The following RSF1 variants were observed in gnomAD, a reference collection of about 807,000 sequenced individuals.
RSF1 encodes remodeling and spacing factor 1, also known as HBV pX-associated protein 8.
In RSF1, 13 loss-of-function variants were observed where a neutral mutation model predicts 145.2. That is an observed-to-expected ratio of 0.09 (90% CI 0.06 to 0.14). The LOEUF (loss-of-function observed/expected upper bound fraction) is 0.14. Ranked by LOEUF, RSF1 falls within the 10% of genes least tolerant of loss-of-function variation. The pLI is 1.00. For synonymous variants in RSF1, 577 were observed against 592.6 expected (o/e 0.97, Z 0.38); for missense variants, 1,517 against 1,718.2 (o/e 0.88, Z 2.07).
the RSF1 span, among the ~76,000 whole-genome samples, chr11:77,870,260 A>T: frequency 6.8e-6 from 1 of 146,958 alleles, no homozygotes; most frequent in East Asian, 2.0e-4. Context: ...AGCTCAAATG[A>T]TCTCCCGCCT....
chr11:77,705,431 A>C (rs909999431), intron 5 of RSF1, among the ~76,000 whole-genome samples: 1 of 152,238 alleles, frequency 6.6e-6, no homozygotes, highest in African/African-American at 2.4e-5. Flanking sequence ...ATCACTTATT[A>C]TGTGCTTTCT....
the RSF1 span, among the ~76,000 whole-genome samples, chr11:77,861,425 G>A: frequency 7.2e-5 from 11 of 151,924 alleles, no homozygotes; most frequent in South Asian, 2.1e-4. Flanking sequence ...AGAAGGCCGC[G>A]CCAGTGTCCA....
intron 1 of RSF1, among the ~76,000 whole-genome samples, chr11:77,793,927 A>G (rs1948547066): frequency 1.3e-5 from 2 of 152,204 alleles, no homozygotes; most frequent in South Asian, 4.1e-4. Context: ...AGGTAATAAA[A>G]AAAAAGATGA....
chr11:77,774,813 C>T (rs1193677973), intron 1 of RSF1, among the ~76,000 whole-genome samples: 7 of 150,058 alleles, frequency 4.7e-5, no homozygotes, highest in Non-Finnish European at 8.9e-5. Flanking sequence ...TCACCCCAGG[C>T]TGGTGTGCAA....
At chr11:77,852,694 G>A in the RSF1 span, among the ~76,000 whole-genome samples, 16 of 151,856 alleles carry the variant, frequency 1.1e-4, no homozygotes, top group African/African-American at 1.9e-4. Flanking sequence ...ATTAGTTTCC[G>A]GTTTATCCTT....
the RSF1 span, among the ~76,000 whole-genome samples, chr11:77,849,308 G>A: frequency 8.7e-3 from 1,322 of 152,128 alleles, 13 homozygotes; most frequent in African/African-American, 0.031. Context: ...TGCAACCTCT[G>A]ACTCCCGGGT....
At chr11:77,790,699 A>C (rs1360669390) in intron 1 of RSF1, among the ~76,000 whole-genome samples, 1 of 152,200 alleles carries the variant, frequency 6.6e-6, no homozygotes, top group Non-Finnish European at 1.5e-5. Context: ...GGAGACACTG[A>C]CCAAAACAAA....
At chr11:77,762,986 G>A (rs1948190606) in intron 2 of RSF1, 1 of 152,026 alleles carries the variant, frequency 6.6e-6, no homozygotes, top group Non-Finnish European at 1.5e-5. Context: ...GGCAGTCAAG[G>A]GAAAGAAAAC....
the RSF1 span, among the ~76,000 whole-genome samples, chr11:77,845,282 C>G: frequency 6.6e-6 from 1 of 151,960 alleles, no homozygotes; most frequent in African/African-American, 2.4e-5. Context: ...TATTCTTTGT[C>G]TTCATTTTTT....
chr11:77,729,657 TC>T (rs1321605005), intron 4 of RSF1, among the ~76,000 whole-genome samples: 3 of 151,872 alleles, frequency 2.0e-5, no homozygotes, highest in African/African-American at 7.3e-5. Context: ...ATCTGGTTCT[TC>T]CACAGCACCC....
At chr11:77,771,574 A>G (rs1948286206) in intron 1 of RSF1, among the ~76,000 whole-genome samples, 3 of 152,202 alleles carry the variant, frequency 2.0e-5, no homozygotes, top group Admixed American at 6.5e-5. Flanking sequence ...GGAATGCAGG[A>G]AAGTTTCAAG....
the RSF1 span, among the ~76,000 whole-genome samples, chr11:77,834,705 G>A: frequency 1.3e-5 from 2 of 152,242 alleles, no homozygotes; most frequent in Admixed American, 6.5e-5. Flanking sequence ...GTGAGCCACT[G>A]CGCCTGGCCA....
intron 1 of RSF1, among the ~76,000 whole-genome samples, chr11:77,791,458 T>A (rs1051059711): frequency 1.3e-5 from 2 of 152,186 alleles, no homozygotes; most frequent in Admixed American, 1.3e-4. Flanking sequence ...GGCCCCTCCT[T>A]ACTTGTGCAA....
At chr11:77,854,817 C>A in the RSF1 span, among the ~76,000 whole-genome samples, 2 of 152,190 alleles carry the variant, frequency 1.3e-5, no homozygotes, top group Admixed American at 1.3e-4. Context: ...GTAGGGGCTC[C>A]AACCCCACAT....
At chr11:77,819,146 T>C (rs1473783245) in intron 1 of RSF1, among the ~76,000 whole-genome samples, 1 of 152,206 alleles carries the variant, frequency 6.6e-6, no homozygotes, top group Non-Finnish European at 1.5e-5. Flanking sequence ...TTCATTTACA[T>C]AGAGAATAGA....
chr11:77,824,787 T>A (rs1233062322), upstream of RSF1, among the ~76,000 whole-genome samples: 1 of 152,244 alleles, frequency 6.6e-6, no homozygotes, highest in East Asian at 1.9e-4. Flanking sequence ...AGTTTATTTC[T>A]CAAAATTCAT....
At chr11:77,778,826 T>C (rs1948374721) in intron 1 of RSF1, among the ~76,000 whole-genome samples, 1 of 152,246 alleles carries the variant, frequency 6.6e-6, no homozygotes, top group Non-Finnish European at 1.5e-5. Context: ...CTTTTTTGGA[T>C]TCCTTTGCAA....
chr11:77,727,999 T>G (rs1230747328), intron 4 of RSF1, among the ~76,000 whole-genome samples: 3 of 152,182 alleles, frequency 2.0e-5, no homozygotes, highest in Non-Finnish European at 4.4e-5. Flanking sequence ...ATGAATTCCC[T>G]CAAATCACAT....
rs375789220 is a variant in RSF1, at chr11:77,780,531, AAG to A, written c.188-15844_188-15843del. Among the ~76,000 whole-genome samples the A allele has an allele frequency of 1.9e-3, 287 of 152,248 alleles. 4 individuals are homozygous for A. The highest frequency in any genetic ancestry group is 6.7e-3 in the African/African-American group (279 of 41,546). ...CCTAAGATAATAAAAAACAAAACAGAAGAGAGACTATGGGCCGGGTGCTGTGG... is the reference window on the plus strand; with the variant it reads ...CCTAAGATAATAAAAAACAAAACAGAAGAGACTATGGGCCGGGTGCTGTGG... On this transcript the variant is annotated intron_variant, in intron 1 of 15. Coordinates refer to ENST00000308488, the MANE Select transcript of RSF1 (RefSeq NM_016578.4).
Sources: allele counts gnomAD v4.1 joint callset (sites outside exome capture counted in the v4.1 genomes callset), GRCh38; gene constraint gnomAD v4.1.1; transcripts MANE v1.5; gene names NCBI Gene and HGNC (gene_info 2026-07-23, HGNC 2026-07-21).